MSI2: variants seen among roughly 807,000 people sequenced by gnomAD.
The protein encoded by MSI2 is RNA-binding protein Musashi homolog 2.
In MSI2, 17 loss-of-function variants were observed where a neutral mutation model predicts 45.6. That is an observed-to-expected ratio of 0.37 (90% CI 0.26 to 0.56). MSI2 has a LOEUF of 0.56. Among genes scored for constraint, MSI2 ranks in the 20% least tolerant of loss-of-function variants. MSI2 has a pLI of 0.77. For synonymous variants in MSI2, 156 were observed against 158.2 expected (o/e 0.99, Z 0.11); for missense variants, 293 against 444.2 (o/e 0.66, Z 3.06).
chr17:57,374,244 G>A (rs967572765), intron 5 of MSI2, among the ~76,000 whole-genome samples: 2 of 152,180 alleles, frequency 1.3e-5, no homozygotes, highest in African/African-American at 2.4e-5. Flanking sequence ...AAGTCCTGTT[G>A]CATTTTTGCA....
At chr17:57,393,792 C>T (rs191155273) in intron 5 of MSI2, among the ~76,000 whole-genome samples, 10 of 152,328 alleles carry the variant, frequency 6.6e-5, no homozygotes, top group Admixed American at 2.6e-4. Context: ...AGTGATTCTC[C>T]TGCCTCAGCC....
At chr17:57,421,980 G>A (rs1419289175) in intron 6 of MSI2, among the ~76,000 whole-genome samples, 2 of 151,958 alleles carry the variant, frequency 1.3e-5, no homozygotes, top group African/African-American at 2.4e-5. Context: ...ATTACACAGT[G>A]GTTTAATATT....
intron 9 of MSI2, chr17:57,626,378 C>T (rs1908808676): frequency 2.0e-5 from 3 of 152,182 alleles, no homozygotes; most frequent in Admixed American, 2.0e-4. Flanking sequence ...CAATGACTCC[C>T]TGAGAGCTGA....
intron 7 of MSI2, among the ~76,000 whole-genome samples, chr17:57,550,191 G>A (rs1420678748): frequency 6.6e-6 from 1 of 152,180 alleles, no homozygotes; most frequent in East Asian, 1.9e-4. Flanking sequence ...TGGGAGAGGG[G>A]GCTTGCAGAA....
intron 5 of MSI2, among the ~76,000 whole-genome samples, chr17:57,358,833 G>C (rs1356664500): frequency 6.6e-6 from 1 of 152,160 alleles, no homozygotes; most frequent in Non-Finnish European, 1.5e-5. Flanking sequence ...GAAGATTGTA[G>C]GTGAAATCGA....
chr17:57,450,441 C>G (rs552043049), intron 6 of MSI2: 11 of 139,162 alleles, frequency 7.9e-5, no homozygotes, highest in African/African-American at 2.8e-4. Context: ...CTTTGGGAGG[C>G]CACAGCGGGC....
intron 9 of MSI2, among the ~76,000 whole-genome samples, chr17:57,621,558 T>A (rs1908292001): frequency 6.6e-6 from 1 of 152,056 alleles, no homozygotes; most frequent in Non-Finnish European, 1.5e-5. Context: ...TAGTGAGGAG[T>A]CTGAGACAAC....
intron 5 of MSI2, among the ~76,000 whole-genome samples, chr17:57,392,763 G>A (rs1019937379): frequency 7.2e-5 from 11 of 152,108 alleles, no homozygotes; most frequent in Non-Finnish European, 1.3e-4. Flanking sequence ...GATGAGAGAC[G>A]AAGCGGTGGG....
chr17:57,308,599 A>G (rs1044624967), intron 5 of MSI2, among the ~76,000 whole-genome samples: 1 of 152,108 alleles, frequency 6.6e-6, no homozygotes, highest in Non-Finnish European at 1.5e-5. Flanking sequence ...TTTCATTACC[A>G]TCAGCTTTTG....
intron 7 of MSI2, among the ~76,000 whole-genome samples, chr17:57,547,665 A>G (rs1227138046): frequency 1.3e-5 from 2 of 151,766 alleles, no homozygotes; most frequent in Admixed American, 1.3e-4. Flanking sequence ...ACATTTTAAG[A>G]AGAAAATCAG....
intron 6 of MSI2, among the ~76,000 whole-genome samples, chr17:57,447,589 TG>T (rs35666108): frequency 6.6e-5 from 10 of 150,778 alleles, no homozygotes; most frequent in South Asian, 2.1e-4. Context: ...GTGGCATGGG[TG>T]GGGGGGGTGT....
intron 6 of MSI2, among the ~76,000 whole-genome samples, chr17:57,515,255 G>A (rs1482656204): frequency 1.3e-5 from 2 of 152,210 alleles, no homozygotes; most frequent in African/African-American, 2.4e-5. Flanking sequence ...CCAGACTGGA[G>A]TGCAATGGCA....
Position 57,627,196 on chromosome 17 carries a change from A to G in MSI2, c.653-33A>G. The G allele has an allele frequency of 6.2e-7, 1 of 1,606,560 alleles. No homozygotes were observed. The highest frequency in any genetic ancestry group is 8.5e-7 in the Non-Finnish European group (1 of 1,173,082). On this transcript the variant is annotated intron_variant, in intron 9 of 13. Coordinates refer to ENST00000284073, the MANE Select transcript of MSI2 (RefSeq NM_138962.4). This position sits in a 1 kb window ranked among gnomAD's most constrained non-coding sequence, Gnocchi z 4.6. The stretch of plus-strand genomic sequence containing the variant: ...ACCCCAGACCTGAGGCGGCTGTACT[A>G]ACAGGACTCTGATCTTTCTCTTTGT...
At chr17:57,621,085 A>G (rs1908248187) in intron 9 of MSI2, among the ~76,000 whole-genome samples, 1 of 152,144 alleles carries the variant, frequency 6.6e-6, no homozygotes, top group Admixed American at 6.5e-5. Context: ...GTCATCAAAG[A>G]CTGTTTCTCT....
intron 5 of MSI2, among the ~76,000 whole-genome samples, chr17:57,399,853 G>A (rs907897760): frequency 6.6e-6 from 1 of 152,214 alleles, no homozygotes; most frequent in South Asian, 2.1e-4. Context: ...CCAGGAGCTG[G>A]ATTTCCAGTG....
intron 5 of MSI2, chr17:57,268,113 G>A (rs16958149): frequency 0.098 from 14,841 of 152,202 alleles, 1,681 homozygotes; most frequent in African/African-American, 0.28. Context: ...TAAATTAGCA[G>A]AAACTTGTGG....
At chr17:57,662,109 G>A (rs940144334) in intron 11 of MSI2, among the ~76,000 whole-genome samples, 2 of 152,080 alleles carry the variant, frequency 1.3e-5, no homozygotes, top group Admixed American at 6.6e-5. Context: ...AAAATGAAGG[G>A]GCCCTTTGTT....
At chr17:57,451,097 G>T (rs572721549) in intron 6 of MSI2, among the ~76,000 whole-genome samples, 1 of 152,128 alleles carries the variant, frequency 6.6e-6, no homozygotes, top group Non-Finnish European at 1.5e-5. Flanking sequence ...GAGGGTACAG[G>T]TAAGTATCCA....
At chr17:57,319,886 T>C (rs1913184494) in intron 5 of MSI2, among the ~76,000 whole-genome samples, 1 of 152,008 alleles carries the variant, frequency 6.6e-6, no homozygotes, top group South Asian at 2.1e-4. Flanking sequence ...AGTGCTGGGG[T>C]TATAGGCACG....
Sources: gnomAD v4.1 joint callset for allele counts (sites outside exome capture counted in the v4.1 genomes callset) on GRCh38, gnomAD v4.1.1 for gene constraint, Gnocchi (gnomAD v3.1) non-coding constraint, MANE v1.5 for transcripts, NCBI Gene and HGNC (gene_info 2026-07-23, HGNC 2026-07-21) for gene names.